The following SNTG2 variants were observed in gnomAD, a reference collection of about 807,000 sequenced individuals.
The protein encoded by SNTG2 is gamma-2-syntrophin.
Under a neutral mutation model 70.9 loss-of-function variants are expected in SNTG2, and 74 were observed. The ratio of observed to expected loss-of-function variants is 1.04; its 90% CI spans 0.86 to 1.27. The LOEUF is 1.27. Ranked by LOEUF, SNTG2 falls within the 50% of genes most tolerant of loss-of-function variation. The probability of loss-of-function intolerance (pLI) is 0.00; values close to 1 mark genes in which losing one functional copy is unlikely to be tolerated. For missense variants in SNTG2, 717 were observed against 690.7 expected, an observed-to-expected ratio of 1.04 and a Z score of -0.43; for synonymous variants, 278 against 273.8, an observed-to-expected ratio of 1.02 and a Z score of -0.15.
chr2:1,114,455 C>T (rs2148264640), intron 4 of SNTG2, among the ~76,000 whole-genome samples: 1 of 151,904 alleles, frequency 6.6e-6, no homozygotes, highest in East Asian at 2.0e-4. Context: ...TAAGGAGGAT[C>T]TTTTGAACTA....
intron 1 of SNTG2, among the ~76,000 whole-genome samples, chr2:1,052,990 T>C (rs1015835184): frequency 2.0e-5 from 3 of 152,254 alleles, no homozygotes; most frequent in Non-Finnish European, 4.4e-5. Flanking sequence ...TGCTAAACTT[T>C]TCAGGAGCGG....
At chr2:1,254,243 G>A (rs1677920912) in intron 12 of SNTG2, among the ~76,000 whole-genome samples, 1 of 152,176 alleles carries the variant, frequency 6.6e-6, no homozygotes, top group Non-Finnish European at 1.5e-5. Context: ...ACCCTGGTGG[G>A]TCCCTAATCT....
chr2:957,113 C>T (rs73908622), intron 1 of SNTG2, among the ~76,000 whole-genome samples: 5,993 of 152,210 alleles, frequency 0.039, 388 homozygotes, highest in African/African-American at 0.14. Context: ...ATACCTAAAC[C>T]TGGGGACATC....
intron 9 of SNTG2, 78 bp downstream of exon 9, chr2:1,209,308 C>T (rs1673885313): frequency 1.3e-6 from 2 of 1,565,210 alleles, no homozygotes; most frequent in Non-Finnish European, 1.7e-6. Context: ...CCGCTGGTTA[C>T]TCCAGAGCGC....
intron 13 of SNTG2, among the ~76,000 whole-genome samples, chr2:1,262,301 G>A (rs1678454641): frequency 6.6e-6 from 1 of 152,122 alleles, no homozygotes; most frequent in African/African-American, 2.4e-5. Context: ...CTTCATGACA[G>A]GAGGTGGTTG....
At chr2:1,072,223 G>A (rs1174117800) in intron 1 of SNTG2, among the ~76,000 whole-genome samples, 1 of 152,056 alleles carries the variant, frequency 6.6e-6, no homozygotes, top group Non-Finnish European at 1.5e-5. Context: ...GGAGAAGTCA[G>A]TTCCTGGCTT....
Position 1,309,007 on chromosome 2 carries a change from A to G in SNTG2, c.1377+421A>G, listed in dbSNP as rs151293179. 1.2e-3 allele frequency among the ~76,000 whole-genome samples: 189 copies of G among 152,356 alleles called. 1 individual carries two copies. In the South Asian group the frequency reaches 0.013, roughly 11 times the overall value. On this transcript the variant is annotated intron_variant, in intron 15 of 16. Coordinates refer to ENST00000308624, the MANE Select transcript of SNTG2 (RefSeq NM_018968.4). Reference sequence around the variant, plus strand: ...TACAGCTGCCATTAGGAAGGGAGTGAGACCCATTTCCACCCCATCTGAGTA... The same window carrying G: ...TACAGCTGCCATTAGGAAGGGAGTGGGACCCATTTCCACCCCATCTGAGTA...
intron 14 of SNTG2, among the ~76,000 whole-genome samples, chr2:1,292,771 A>G (rs944397658): frequency 1.3e-5 from 2 of 152,150 alleles, no homozygotes; most frequent in African/African-American, 4.8e-5. Context: ...AGATTTTTGC[A>G]TCAATCTTCA....
chr2:1,337,848 G>T (rs1290895437), intron 16 of SNTG2, among the ~76,000 whole-genome samples: 2 of 152,120 alleles, frequency 1.3e-5, no homozygotes, highest in African/African-American at 2.4e-5. Context: ...CTTATGTTTA[G>T]GTCCTTGATT....
intron 4 of SNTG2, among the ~76,000 whole-genome samples, chr2:1,109,158 T>G (rs1453745205): frequency 6.6e-6 from 1 of 151,986 alleles, no homozygotes; most frequent in Non-Finnish European, 1.5e-5. Flanking sequence ...TGTCATACTT[T>G]CGGAAAGCAA....
chr2:1,258,534 C>T (rs1678244183), intron 12 of SNTG2, among the ~76,000 whole-genome samples: 1 of 142,004 alleles, frequency 7.0e-6, no homozygotes, highest in Admixed American at 6.8e-5. Flanking sequence ...ATTTTGTTTG[C>T]TGCAAGGATT....
chr2:1,260,474 T>A (rs1010260723), intron 13 of SNTG2, among the ~76,000 whole-genome samples: 6 of 152,212 alleles, frequency 3.9e-5, no homozygotes, highest in Non-Finnish European at 8.8e-5. Flanking sequence ...AAAGGCCGGA[T>A]GTATTTAAAT....
At chr2:1,303,478 A>G (rs922169132) in intron 14 of SNTG2, among the ~76,000 whole-genome samples, 4 of 152,222 alleles carry the variant, frequency 2.6e-5, no homozygotes, top group African/African-American at 9.6e-5. Flanking sequence ...TGTGAGGCAC[A>G]GCTGAATCAG....
chr2:1,137,328 C>T (rs1177572059), intron 4 of SNTG2, among the ~76,000 whole-genome samples: 2 of 151,902 alleles, frequency 1.3e-5, no homozygotes, highest in East Asian at 3.9e-4. Context: ...CACGTGGACA[C>T]ATGCACACAC....
At chr2:1,145,305 C>G (rs539982551) in intron 6 of SNTG2, among the ~76,000 whole-genome samples, 9 of 151,860 alleles carry the variant, frequency 5.9e-5, no homozygotes, top group Non-Finnish European at 1.3e-4. Context: ...AAAGCTGTTT[C>G]TTTGTAAATA....
chr2:1,229,840 G>A (rs1033630138), intron 9 of SNTG2, among the ~76,000 whole-genome samples: 113 of 152,364 alleles, frequency 7.4e-4, no homozygotes, highest in Non-Finnish European at 9.7e-4. Flanking sequence ...CCGCTGGCCC[G>A]GGTGCTAAGT....
At chr2:1,158,244 C>CT (rs1473879603) in intron 6 of SNTG2, 2 of 152,192 alleles carry the variant, frequency 1.3e-5, no homozygotes, top group Non-Finnish European at 2.9e-5. Flanking sequence ...TAAACCTTCC[C>CT]TTTACTCACT....
intron 6 of SNTG2, among the ~76,000 whole-genome samples, chr2:1,143,896 G>C (rs4603794): frequency 1.5e-5 from 2 of 130,094 alleles, no homozygotes; most frequent in African/African-American, 7.0e-5. Context: ...CCCCCCCCCA[G>C]AAAAAGAAAA....
chr2:1,122,886 A>G (rs921490334), intron 4 of SNTG2, among the ~76,000 whole-genome samples: 4 of 151,864 alleles, frequency 2.6e-5, no homozygotes, highest in Non-Finnish European at 5.9e-5. Flanking sequence ...CATATGCAAA[A>G]ATTAATAGCA....
Sources: gnomAD v4.1 joint callset for allele counts (sites outside exome capture counted in the v4.1 genomes callset) on GRCh38, gnomAD v4.1.1 for gene constraint, MANE v1.5 for transcripts, NCBI Gene and HGNC (gene_info 2026-07-23, HGNC 2026-07-21) for gene names.